Variants in SLCO3A1 observed in about 807,000 individuals in gnomAD.
SLCO3A1 encodes solute carrier organic anion transporter family member 3A1, also known as PGE1 transporter.
Under a neutral mutation model 63.1 loss-of-function variants are expected in SLCO3A1, and 27 were observed. The ratio of observed to expected loss-of-function variants is 0.43; its 90% CI spans 0.32 to 0.59. The LOEUF (loss-of-function observed/expected upper bound fraction) is 0.59, where lower values mean the gene tolerates loss of function less well. Among genes scored for constraint, SLCO3A1 ranks in the 20% least tolerant of loss-of-function variants. The pLI is 0.09. For synonymous variants in SLCO3A1, 473 were observed against 409.9 expected (o/e 1.15, Z -1.86); for missense variants, 773 against 945.8 (o/e 0.82, Z 2.40).
At chr15:92,032,462 A>G (rs916205080) in intron 2 of SLCO3A1, among the ~76,000 whole-genome samples, 2 of 152,256 alleles carry the variant, frequency 1.3e-5, no homozygotes, top group South Asian at 2.1e-4. Context: ...GGGCTGTGTT[A>G]TGTTTTCATT....
chr15:92,102,214 G>A (rs1256865379), intron 3 of SLCO3A1, among the ~76,000 whole-genome samples: 3 of 152,146 alleles, frequency 2.0e-5, no homozygotes, highest in African/African-American at 4.8e-5. Context: ...AACACAGTAA[G>A]TGACTAGTGA....
At chr15:92,102,787 C>T (rs533522840) in intron 3 of SLCO3A1, among the ~76,000 whole-genome samples, 16 of 152,266 alleles carry the variant, frequency 1.1e-4, no homozygotes, top group Admixed American at 3.9e-4. Context: ...TGATCATTCA[C>T]CTCGGGCCCT....
At chr15:92,004,411 G>A (rs184384560) in intron 2 of SLCO3A1, among the ~76,000 whole-genome samples, 2 of 152,390 alleles carry the variant, frequency 1.3e-5, no homozygotes, top group East Asian at 3.9e-4. Flanking sequence ...AACACAGGCA[G>A]CTAAGAGTAT....
chr15:92,117,814 C>CTTA (rs1317280792), intron 4 of SLCO3A1, among the ~76,000 whole-genome samples: 43 of 152,174 alleles, frequency 2.8e-4, no homozygotes, highest in Non-Finnish European at 1.5e-5. Context: ...AAGATAAATG[C>CTTA]TTACCTCATT....
rs1376055412 is a variant in SLCO3A1 at position 91,885,994 on chromosome 15, A to T, written c.181-29999A>T. Among the ~76,000 whole-genome samples the T allele has an allele frequency of 1.3e-5, 2 of 152,048 alleles. No homozygotes were observed. The highest frequency in any genetic ancestry group is 2.9e-5 in the Non-Finnish European group (2 of 68,004). ...AGAGAGGGTGAGAGGGAGGCAGGGG[A>T]AGATGAAAGCAGAGAGGTGGGTGGA... On this transcript the variant is annotated intron_variant, in intron 1 of 9. Transcript: ENST00000318445. The surrounding 1 kb of genome is among the most constrained non-coding windows in gnomAD (Gnocchi z 4.7).
intron 2 of SLCO3A1, among the ~76,000 whole-genome samples, chr15:91,932,540 G>A (rs1899273704): frequency 6.6e-6 from 1 of 151,838 alleles, no homozygotes; most frequent in African/African-American, 2.4e-5. Context: ...CCACCTCCCA[G>A]GTTCAAGCAA....
intron 2 of SLCO3A1, among the ~76,000 whole-genome samples, chr15:91,963,684 C>T (rs1597164129): frequency 1.3e-5 from 2 of 151,948 alleles, no homozygotes; most frequent in African/African-American, 2.4e-5. Context: ...TTGTTCCTTC[C>T]GAGGTTCAGA....
chr15:91,883,915 A>G lies in SLCO3A1; in HGVS notation c.180+29827A>G, dbSNP rs1437288384. 6.6e-6 allele frequency among the ~76,000 whole-genome samples: 1 copy of G among 152,212 alleles called. No individual in the cohort carries two copies. The highest frequency in any genetic ancestry group is 2.4e-5 in the African/African-American group (1 of 41,454). On this transcript the variant is annotated intron_variant, in intron 1 of 9. Transcript: ENST00000318445. This position sits in a 1 kb window ranked among gnomAD's most constrained non-coding sequence, Gnocchi z 4.8. ...ACTGAGATGCTTGCAGAAACATCTC[A>G]CAAAGCAGGCAACTGAAGGGATCCA...
At chr15:91,958,358 T>C (rs1900315661) in intron 2 of SLCO3A1, among the ~76,000 whole-genome samples, 2 of 152,208 alleles carry the variant, frequency 1.3e-5, no homozygotes, top group African/African-American at 4.8e-5. Context: ...CTACCATGTG[T>C]CTGGATCCCA....
chr15:91,926,464 C>T (rs4244910), intron 2 of SLCO3A1, among the ~76,000 whole-genome samples: 98,417 of 151,552 alleles, frequency 0.65, 32,818 homozygotes, highest in East Asian at 0.91. Context: ...ACCTTAACTC[C>T]CTCAAATGAC....
At chr15:91,937,505 G>A (rs192230674) in intron 2 of SLCO3A1, among the ~76,000 whole-genome samples, 67 of 152,266 alleles carry the variant, frequency 4.4e-4, no homozygotes, top group African/African-American at 1.6e-3. Flanking sequence ...AGATCATGAG[G>A]TCAGGAGTTT....
downstream of SLCO3A1, among the ~76,000 whole-genome samples, chr15:92,167,288 A>T (rs560981414): frequency 4.5e-4 from 68 of 152,282 alleles, no homozygotes; most frequent in African/African-American, 1.6e-3. Flanking sequence ...GGCTCACGCC[A>T]TTCTCCTCTG....
At chr15:91,957,493 CT>C (rs1164557538) in intron 2 of SLCO3A1, among the ~76,000 whole-genome samples, 7 of 152,000 alleles carry the variant, frequency 4.6e-5, no homozygotes, top group African/African-American at 1.7e-4. Context: ...CATCTTCTTG[CT>C]TTCTCAGCTG....
intron 2 of SLCO3A1, among the ~76,000 whole-genome samples, chr15:92,016,359 C>T (rs1038096662): frequency 6.6e-6 from 1 of 152,022 alleles, no homozygotes; most frequent in Non-Finnish European, 1.5e-5. Context: ...GAGATGAGAT[C>T]TCACTGTGTT....
chr15:92,166,524 C>A (rs1482625550), downstream of SLCO3A1, among the ~76,000 whole-genome samples: 1 of 152,192 alleles, frequency 6.6e-6, no homozygotes, highest in African/African-American at 2.4e-5. Context: ...GATTCCACTG[C>A]CCTGTGTCCA....
chr15:91,943,184 C>T (rs1436106405), intron 2 of SLCO3A1, among the ~76,000 whole-genome samples: 1 of 152,174 alleles, frequency 6.6e-6, no homozygotes, highest in Non-Finnish European at 1.5e-5. Context: ...TGTGCAATCT[C>T]CAGAATGTTT....
At chr15:92,081,527 T>C (rs2047346374) in intron 2 of SLCO3A1, among the ~76,000 whole-genome samples, 1 of 152,090 alleles carries the variant, frequency 6.6e-6, no homozygotes. Flanking sequence ...CCCACCACCA[T>C]GCCTGGCTTT....
intron 1 of SLCO3A1, among the ~76,000 whole-genome samples, chr15:91,913,269 A>G (rs1040464677): frequency 1.3e-5 from 2 of 152,268 alleles, no homozygotes; most frequent in Non-Finnish European, 2.9e-5. Flanking sequence ...AGAGGGTGTC[A>G]CAGATGTCAT....
intron 4 of SLCO3A1, among the ~76,000 whole-genome samples, chr15:92,107,869 G>A (rs1215672889): frequency 3.9e-5 from 6 of 152,348 alleles, no homozygotes; most frequent in East Asian, 1.9e-4. Context: ...TAATCATGCA[G>A]CCTTGGCCAC....
Sources: allele counts gnomAD v4.1 joint callset (sites outside exome capture counted in the v4.1 genomes callset), GRCh38; gene constraint gnomAD v4.1.1; non-coding constraint Gnocchi (gnomAD v3.1); transcripts MANE v1.5; gene names NCBI Gene and HGNC (gene_info 2026-07-23, HGNC 2026-07-21).